PDE3B: variants seen among roughly 807,000 people sequenced by gnomAD.
PDE3B encodes the protein cGMP-inhibited 3',5'-cyclic phosphodiesterase 3B.
PDE3B carries 66 observed loss-of-function variants against 116.8 expected under a neutral mutation model. The ratio of observed to expected loss-of-function variants is 0.56; its 90% confidence interval spans 0.46 to 0.69. The LOEUF (loss-of-function observed/expected upper bound fraction) is 0.69. PDE3B is among the 30% of genes least tolerant of loss of function. PDE3B has a pLI of 0.00. For missense variants in PDE3B, 1,384 were observed against 1,368.1 expected (o/e 1.01, Z -0.18); for synonymous variants, 595 against 533.6 (o/e 1.12, Z -1.59).
At chr11:14,790,045 T>C (rs1337743434) in intron 4 of PDE3B, among the ~76,000 whole-genome samples, 3 of 152,160 alleles carry the variant, frequency 2.0e-5, no homozygotes, top group South Asian at 4.1e-4. Context: ...TTTTATACTT[T>C]TGAGCTGTAT....
intron 1 of PDE3B, among the ~76,000 whole-genome samples, chr11:14,697,793 T>C (rs1255055902): frequency 1.4e-4 from 22 of 152,120 alleles, no homozygotes; most frequent in African/African-American, 2.4e-5. Flanking sequence ...TCTTTATTCA[T>C]TGGTATTTTA....
chr11:14,808,189 A>G (rs1427603714), intron 5 of PDE3B, among the ~76,000 whole-genome samples: 1 of 152,234 alleles, frequency 6.6e-6, no homozygotes, highest in Non-Finnish European at 1.5e-5. Context: ...AGAAAAAGCT[A>G]ACAGAAAACT....
At chr11:14,866,211 A>C (rs1848043083) in intron 14 of PDE3B, among the ~76,000 whole-genome samples, 1 of 152,186 alleles carries the variant, frequency 6.6e-6, no homozygotes, top group African/African-American at 2.4e-5. Flanking sequence ...ATCACTAAAA[A>C]CAATATGTTA....
chr11:14,824,389 A>G (rs1027070358), intron 7 of PDE3B, among the ~76,000 whole-genome samples: 5 of 152,190 alleles, frequency 3.3e-5, no homozygotes, highest in African/African-American at 1.2e-4. Flanking sequence ...CAAAACTAAG[A>G]ATCACAATAA....
At chr11:14,703,720 T>G (rs1258902050) in intron 1 of PDE3B, among the ~76,000 whole-genome samples, 1 of 151,762 alleles carries the variant, frequency 6.6e-6, no homozygotes, top group Admixed American at 6.6e-5. Context: ...AAATTAATAT[T>G]AGTTGTTCCT....
intron 1 of PDE3B, among the ~76,000 whole-genome samples, chr11:14,758,303 A>G (rs1857255118): frequency 6.9e-6 from 1 of 144,386 alleles, no homozygotes; most frequent in Admixed American, 7.0e-5. Flanking sequence ...TTTTGGTTCC[A>G]TATGAACTTT....
chr11:14,664,882 A>G (rs1386698594), intron 1 of PDE3B, among the ~76,000 whole-genome samples: 2 of 152,218 alleles, frequency 1.3e-5, no homozygotes, highest in East Asian at 1.9e-4. Flanking sequence ...ATTCCAATCA[A>G]TAGAAAAAGA....
intron 1 of PDE3B, among the ~76,000 whole-genome samples, chr11:14,694,581 T>C (rs938176467): frequency 1.3e-5 from 2 of 152,204 alleles, no homozygotes; most frequent in Non-Finnish European, 2.9e-5. Flanking sequence ...TGTACATTGT[T>C]CTTTAAGACA....
intron 1 of PDE3B, among the ~76,000 whole-genome samples, chr11:14,713,200 G>C (rs1413261363): frequency 1.3e-5 from 2 of 152,144 alleles, no homozygotes; most frequent in Non-Finnish European, 1.5e-5. Context: ...TATATATTAA[G>C]TATATAAACA....
intron 12 of PDE3B, among the ~76,000 whole-genome samples, chr11:14,857,940 C>T (rs1847879379): frequency 6.6e-6 from 1 of 151,946 alleles, no homozygotes; most frequent in East Asian, 1.9e-4. Flanking sequence ...GAAGCTTACT[C>T]TTTCTGTTTG....
chr11:14,893,241 A>G, the PDE3B span, among the ~76,000 whole-genome samples: 1 of 152,262 alleles, frequency 6.6e-6, no homozygotes, highest in Non-Finnish European at 1.5e-5. Flanking sequence ...AAGAGCAATG[A>G]CATGGAAATA....
At chr11:14,866,826 A>G (rs1848056333) in intron 14 of PDE3B, among the ~76,000 whole-genome samples, 1 of 152,114 alleles carries the variant, frequency 6.6e-6, no homozygotes, top group Non-Finnish European at 1.5e-5. Context: ...TAGCATCCCT[A>G]TTAGGTAGAT....
At chr11:14,839,859 G>T (rs564661277) in intron 11 of PDE3B, among the ~76,000 whole-genome samples, 24 of 152,258 alleles carry the variant, frequency 1.6e-4, no homozygotes, top group South Asian at 1.2e-3. Context: ...GAAGATGAGA[G>T]ATGAGAAAAA....
the PDE3B span, chr11:14,892,212 G>A: frequency 1.1e-5 from 18 of 1,608,430 alleles, no homozygotes; most frequent in Middle Eastern, 2.2e-4. Flanking sequence ...ACATCGGCCC[G>A]AGCTGGAGGT....
intron 1 of PDE3B, among the ~76,000 whole-genome samples, chr11:14,764,745 T>TC (rs1366336800): frequency 1.3e-5 from 2 of 152,090 alleles, no homozygotes; most frequent in South Asian, 2.1e-4. Context: ...ATTAAGTGCC[T>TC]AATATAGTGC....
chr11:14,652,071 T>C (rs867082342), intron 1 of PDE3B, among the ~76,000 whole-genome samples: 1 of 152,196 alleles, frequency 6.6e-6, no homozygotes, highest in Non-Finnish European at 1.5e-5. Flanking sequence ...GTGTTTTCTT[T>C]GAGGAGTTTT....
chr11:14,643,871 G>GC lies in PDE3B; in HGVS notation c.-201dup. The GC allele has an allele frequency of 1.5e-6, 1 of 660,340 alleles. No individual in the cohort carries two copies. The allele number at this position is 660,340 out of a possible 1,614,324, so 40.9% of individuals were successfully genotyped here. Reference sequence around the variant, plus strand: ...CTGGTCCTGGAGAGAAGCCCCTTCCGCCCCTCTCCTCAGCCAGCATGTCCC... The same window carrying GC: ...CTGGTCCTGGAGAGAAGCCCCTTCCGCCCCCTCTCCTCAGCCAGCATGTCCC... On this transcript the variant is annotated 5_prime_UTR_variant, in exon 1 of 16. Coordinates refer to ENST00000282096, the MANE Select transcript of PDE3B (RefSeq NM_000922.4).
chr11:14,795,063 A>C (rs977886300), intron 4 of PDE3B, among the ~76,000 whole-genome samples: 1 of 152,106 alleles, frequency 6.6e-6, no homozygotes. Context: ...CTGGATTTTT[A>C]TAGGAGCTTC....
rs531028360 is a variant in PDE3B, at chr11:14,658,871, G to A, written c.978+13818G>A. On this transcript the variant is annotated intron_variant, in intron 1 of 15. Transcript: ENST00000282096. The stretch of plus-strand genomic sequence containing the variant: ...TTTATGTCCTTTAAATTCAGGGACA[G>A]TATCTTATTTATTTATGTGACCCTG... Among the ~76,000 whole-genome samples the A allele has an allele frequency of 1.9e-4, 29 of 152,262 alleles. No homozygotes were observed. In the South Asian group the frequency reaches 6.0e-3, roughly 32 times the overall value.
Sources: gnomAD v4.1 joint callset for allele counts (sites outside exome capture counted in the v4.1 genomes callset) on GRCh38, gnomAD v4.1.1 for gene constraint, MANE v1.5 for transcripts, NCBI Gene and HGNC (gene_info 2026-07-23, HGNC 2026-07-21) for gene names.